Variants in ARFGEF1 observed in about 807,000 individuals in gnomAD.
The protein encoded by ARFGEF1 is brefeldin A-inhibited guanine nucleotide-exchange protein 1.
ARFGEF1 carries 42 observed loss-of-function variants against 231.0 expected under a neutral mutation model. The observed-to-expected ratio is 0.18, with a 90% confidence interval of 0.14 to 0.24. The LOEUF is 0.24. Among genes scored for constraint, ARFGEF1 ranks in the 10% least tolerant of loss-of-function variants. The pLI, the probability that ARFGEF1 is intolerant of heterozygous loss-of-function variation, is 1.00. For synonymous variants in ARFGEF1, 710 were observed against 732.3 expected, an observed-to-expected ratio of 0.97 and a Z score of 0.49; for missense variants, 1,345 against 2,192.0, an observed-to-expected ratio of 0.61 and a Z score of 7.72.
At chr8:67,294,311 G>C (rs1806137632) in intron 5 of ARFGEF1, among the ~76,000 whole-genome samples, 1 of 152,054 alleles carries the variant, frequency 6.6e-6, no homozygotes, top group Admixed American at 6.6e-5. Flanking sequence ...AACTAACCAG[G>C]ATGTGACGAA....
At chr8:67,322,286 CT>C (rs1807633401) in intron 1 of ARFGEF1, among the ~76,000 whole-genome samples, 1 of 152,244 alleles carries the variant, frequency 6.6e-6, no homozygotes, top group Admixed American at 6.5e-5. Flanking sequence ...AGGTAACTCT[CT>C]CACACTTTGG....
chr8:67,190,887 G>T, intron 5 of ARFGEF1: 1 of 678,204 alleles, frequency 1.5e-6, no homozygotes, highest in Non-Finnish European at 2.6e-6. Flanking sequence ...TCTGAATCTA[G>T]GCTCTGCCTT....
intron 37 of ARFGEF1, among the ~76,000 whole-genome samples, 167 bp downstream of exon 37, chr8:67,201,300 A>C (rs918685266): frequency 3.3e-5 from 5 of 152,192 alleles, no homozygotes; most frequent in African/African-American, 4.8e-5. Flanking sequence ...CATGTCACTA[A>C]AGCACACTCA....
At chr8:67,208,994 A>T (rs1838624206) in intron 34 of ARFGEF1, among the ~76,000 whole-genome samples, 1 of 152,236 alleles carries the variant, frequency 6.6e-6, no homozygotes, top group Non-Finnish European at 1.5e-5. Context: ...TGGGAATGTA[A>T]AATGGTGCAG....
chr8:67,328,810 TA>T (rs1341779134), intron 1 of ARFGEF1, among the ~76,000 whole-genome samples: 6 of 152,166 alleles, frequency 3.9e-5, no homozygotes, highest in Non-Finnish European at 7.3e-5. Flanking sequence ...AATGTTTTCA[TA>T]AATCAATGCT....
At position 67,284,978 on chromosome 8, in the gene ARFGEF1, C is replaced by T. The variant is rs542595630; in HGVS notation, c.1027+2977G>A. 4.6e-5 allele frequency among the ~76,000 whole-genome samples: 7 copies of T among 151,828 alleles called. No individual in the cohort carries two copies. In the East Asian group the frequency reaches 9.7e-4, roughly 21 times the overall value. ...GACTAACAGAATCACATCAAAAGAA[C>T]GTGGGTGTTAGCTTGAACGGATTCC... On this transcript the variant is annotated intron_variant, in intron 7 of 38. Coordinates refer to ENST00000262215, the MANE Select transcript of ARFGEF1 (RefSeq NM_006421.5).
intron 22 of ARFGEF1, 106 bp downstream of exon 22, chr8:67,238,237 A>C (rs1839828895): frequency 8.1e-7 from 1 of 1,240,812 alleles, no homozygotes; most frequent in Non-Finnish European, 1.1e-6. Context: ...AAGGTTAGAC[A>C]AAAGGCATTT....
chr8:67,223,318 C>T (rs1211191075), intron 29 of ARFGEF1, among the ~76,000 whole-genome samples: 3 of 152,036 alleles, frequency 2.0e-5, no homozygotes, highest in Non-Finnish European at 2.9e-5. Context: ...TAGGCAATCC[C>T]GCCTCAGCCT....
chr8:67,334,964 G>A (rs1808275447), intron 1 of ARFGEF1, among the ~76,000 whole-genome samples: 1 of 152,050 alleles, frequency 6.6e-6, no homozygotes, highest in Non-Finnish European at 1.5e-5. Context: ...GCTGATGGCT[G>A]CATAATTCAG....
chr8:67,230,148 G>A (rs1307163275), intron 23 of ARFGEF1, among the ~76,000 whole-genome samples: 5 of 152,028 alleles, frequency 3.3e-5, no homozygotes, highest in African/African-American at 9.7e-5. Context: ...AAGATAAGCC[G>A]TATGGTAGAG....
chr8:67,212,006 A>G (rs1413520468), intron 33 of ARFGEF1, among the ~76,000 whole-genome samples: 1 of 152,210 alleles, frequency 6.6e-6, no homozygotes, highest in African/African-American at 2.4e-5. Context: ...GTGACTATCT[A>G]GGAGTGTCGT....
intron 3 of ARFGEF1, among the ~76,000 whole-genome samples, chr8:67,299,764 A>T: frequency 6.6e-6 from 1 of 151,992 alleles, no homozygotes; most frequent in South Asian, 2.1e-4. Context: ...TGAGCTTAGG[A>T]GTTCGAGGCC....
rs571750268 is a variant in ARFGEF1, at chr8:67,326,130, G to A, written c.124+17034C>T. 2.0e-5 allele frequency among the ~76,000 whole-genome samples: 3 copies of A among 152,284 alleles called. No homozygotes were observed. The South Asian group carries it at 6.2e-4, about 32-fold the overall frequency. ...AGGAGAATCACTTGAACCTGGAGAT[G>A]GAGGGTGCAGTGAGCTGAGATTGTG... On this transcript the variant is annotated intron_variant, in intron 1 of 38. Coordinates refer to ENST00000262215, the MANE Select transcript of ARFGEF1 (RefSeq NM_006421.5).
At chr8:67,292,748 A>C (rs1028859410) in intron 5 of ARFGEF1, among the ~76,000 whole-genome samples, 11 of 152,128 alleles carry the variant, frequency 7.2e-5, no homozygotes, top group African/African-American at 2.2e-4. Flanking sequence ...TGGCTCACAA[A>C]ATGTTAGAAA....
intron 1 of ARFGEF1, among the ~76,000 whole-genome samples, chr8:67,306,235 C>G (rs1190267949): frequency 6.6e-6 from 1 of 152,138 alleles, no homozygotes; most frequent in Non-Finnish European, 1.5e-5. Flanking sequence ...ACTGAGATGG[C>G]TACTATGTGA....
downstream of ARFGEF1, chr8:67,173,781 A>G (rs1156531505): frequency 6.6e-6 from 1 of 152,238 alleles, no homozygotes; most frequent in Non-Finnish European, 1.5e-5. Flanking sequence ...ATTACTTACT[A>G]TCTGCCAGGC....
intron 19 of ARFGEF1, among the ~76,000 whole-genome samples, chr8:67,245,744 T>G (rs575262270): frequency 6.7e-6 from 1 of 150,232 alleles, no homozygotes; most frequent in Admixed American, 6.6e-5. Context: ...GAGTAAGTCT[T>G]TATCAATAGT....
At chr8:67,308,957 T>C (rs891966922) in intron 1 of ARFGEF1, among the ~76,000 whole-genome samples, 9 of 152,194 alleles carry the variant, frequency 5.9e-5, no homozygotes, top group Non-Finnish European at 1.2e-4. Flanking sequence ...TAATGCATTA[T>C]TATTTATTAC....
chr8:67,339,631 G>A (rs1587354705), intron 1 of ARFGEF1, among the ~76,000 whole-genome samples: 2 of 151,786 alleles, frequency 1.3e-5, no homozygotes, highest in East Asian at 3.9e-4. Context: ...CTATTTTTAA[G>A]TCAGGATTCT....
Sources: allele counts gnomAD v4.1 joint callset (sites outside exome capture counted in the v4.1 genomes callset), GRCh38; gene constraint gnomAD v4.1.1; transcripts MANE v1.5; gene names NCBI Gene and HGNC (gene_info 2026-07-23, HGNC 2026-07-21).